The following AKT3 variants were observed in gnomAD, a reference collection of about 807,000 sequenced individuals.
The protein encoded by AKT3 is AKT serine/threonine kinase 3.
Under a neutral mutation model 65.3 loss-of-function variants are expected in AKT3, and 15 were observed. The observed-to-expected ratio is 0.23, with a 90% CI of 0.15 to 0.35. The LOEUF (loss-of-function observed/expected upper bound fraction) is 0.35. Ranked by LOEUF, AKT3 falls within the 10% of genes least tolerant of loss-of-function variation. The pLI is 1.00. For missense variants in AKT3, 243 were observed against 576.5 expected (o/e 0.42, Z 5.92); for synonymous variants, 206 against 183.8 (o/e 1.12, Z -0.98).
chr1:243,763,897 G>A (rs2148253167), intron 2 of AKT3, among the ~76,000 whole-genome samples: 1 of 152,086 alleles, frequency 6.6e-6, no homozygotes, highest in Admixed American at 6.6e-5. Context: ...AATTTCAAAA[G>A]ACTTGTAAAT....
rs115948981 is a variant in AKT3 at position 243,669,382 on chromosome 1, A to G, written c.173-4499T>C. ...CCAAGAGAAATACTATGGGGTACAGAGAAATACAGCACAGAAGCAAAGAAA... is the reference window on the plus strand; with the variant it reads ...CCAAGAGAAATACTATGGGGTACAGGGAAATACAGCACAGAAGCAAAGAAA... On this transcript the variant is annotated intron_variant, in intron 3 of 13. Transcript: ENST00000673466. Among the ~76,000 whole-genome samples the G allele has an allele frequency of 9.2e-3, 1,405 of 152,286 alleles. 21 individuals carry two copies. The highest frequency in any genetic ancestry group is 0.032 in the African/African-American group (1,331 of 41,564).
At chr1:243,594,188 T>C (rs893695750) in intron 8 of AKT3, among the ~76,000 whole-genome samples, 2 of 152,140 alleles carry the variant, frequency 1.3e-5, no homozygotes, top group Non-Finnish European at 2.9e-5. Context: ...AAAATTGGAA[T>C]AGGTAAAGAA....
chr1:243,771,823 A>C (rs2148279602), intron 2 of AKT3, among the ~76,000 whole-genome samples: 1 of 152,324 alleles, frequency 6.6e-6, no homozygotes, highest in South Asian at 2.1e-4. Flanking sequence ...ACAGCATGGT[A>C]CTGGTACCAA....
At chr1:243,850,611 C>T (rs576061942), upstream of AKT3, among the ~76,000 whole-genome samples, 6 of 150,348 alleles carry the variant, frequency 4.0e-5, no homozygotes, top group South Asian at 2.1e-4. Context: ...CGCCGCGGGG[C>T]TTGTTGTTGA....
intron 2 of AKT3, among the ~76,000 whole-genome samples, chr1:243,829,785 A>G (rs1462298429): frequency 6.6e-6 from 1 of 152,220 alleles, no homozygotes; most frequent in Non-Finnish European, 1.5e-5. Flanking sequence ...TGGACAATAA[A>G]CTGACTTTAT....
chr1:243,616,716 T>A (rs1329159041), intron 6 of AKT3, among the ~76,000 whole-genome samples: 1 of 152,174 alleles, frequency 6.6e-6, no homozygotes, highest in Non-Finnish European at 1.5e-5. Flanking sequence ...ATAAAAATAT[T>A]TGACCTTAAA....
chr1:243,567,487 CTTTT>C (rs993323556), intron 9 of AKT3, among the ~76,000 whole-genome samples: 3 of 122,294 alleles, frequency 2.5e-5, no homozygotes, highest in Non-Finnish European at 5.1e-5. Flanking sequence ...TTGTTTCTTC[CTTTT>C]TTTTTTTTTT....
intron 2 of AKT3, among the ~76,000 whole-genome samples, chr1:243,755,937 G>C (rs1689109568): frequency 6.6e-6 from 1 of 152,222 alleles, no homozygotes; most frequent in Non-Finnish European, 1.5e-5. Context: ...GAAGCTAGGA[G>C]AAAAGGGTCA....
intron 2 of AKT3, among the ~76,000 whole-genome samples, chr1:243,835,001 G>A (rs1394070568): frequency 6.6e-6 from 1 of 152,024 alleles, no homozygotes; most frequent in Non-Finnish European, 1.5e-5. Flanking sequence ...ATATAGCATT[G>A]GAAGAGTCTT....
rs1335338902 is a variant in AKT3, at chr1:243,501,256, G to C, written c.*3993C>G. On this transcript the variant is annotated 3_prime_UTR_variant, in exon 14 of 14. Transcript: ENST00000673466. Reference sequence around the variant, plus strand: ...CAACGTGAAGTCAGACTGCAGTCCAGCCATCCTACCCATCTACATCACCCA... The same window carrying C: ...CAACGTGAAGTCAGACTGCAGTCCACCCATCCTACCCATCTACATCACCCA... 1 of 232,922 alleles carries C rather than the reference G, an allele frequency of 4.3e-6. No individual in the cohort carries two copies. The highest frequency in any genetic ancestry group is 1.8e-4 in the South Asian group (1 of 5,510). 14.4% of individuals were successfully genotyped at this position (232,922 alleles called of 1,614,324 possible).
intron 2 of AKT3, chr1:243,734,843 C>A (rs1018339280): frequency 4.6e-5 from 7 of 152,192 alleles, no homozygotes; most frequent in African/African-American, 1.7e-4. Context: ...CACTGTACAG[C>A]TGTACAAAAG....
At position 243,545,524 on chromosome 1, in the gene AKT3, C is replaced by T. The variant is rs769299773; in HGVS notation, c.1237G>A (p.Val413Ile). ...SFFSGVNWQD[V>I]YDKKLVPPFK... ...AGAAATCTTACCTTTTTATCATATA[C>T]ATCTTGCCAGTTTACTCCAGAGAAG... Residue 413 changes from valine (V) to isoleucine (I), a missense_variant, in exon 12 of 14, where the codon GTA (valine) becomes ATA (isoleucine). This residue lies in a region of AKT3 where 57 missense variants were observed against 107.6 expected (regional missense o/e 0.53). Coordinates refer to ENST00000673466, the MANE Select transcript of AKT3 (RefSeq NM_005465.7). 4 of 1,609,668 alleles carry T rather than the reference C, an allele frequency of 2.5e-6. No individual in the cohort carries two copies. In the East Asian group the frequency reaches 6.7e-5, roughly 27 times the overall value.
At chr1:243,496,102 T>C (rs1283505631), downstream of AKT3, among the ~76,000 whole-genome samples, 1 of 152,218 alleles carries the variant, frequency 6.6e-6, no homozygotes, top group African/African-American at 2.4e-5. Context: ...AGTGCTGAGA[T>C]CATTGTGGGC....
At position 243,552,916 on chromosome 1, in the gene AKT3, C is replaced by T. The variant is rs1247342442; in HGVS notation, c.976G>A (p.Ala326Thr). ...ACCCCTAGGCCCCACCAGTCTACTG[C>T]TCGGCCATAGTCATTATCTTCTAAC... is the stretch of plus-strand genomic sequence containing the variant. ...EVLEDNDYGR[A>T]VDWWGLGVVM... Residue 326 changes from alanine to threonine, a missense_variant, in exon 11 of 14, where the codon GCA becomes ACA. Around this residue, in one of 6 missense-constraint regions of AKT3, gnomAD observed 4 missense variants for 59.9 expected, o/e 0.07. Coordinates refer to ENST00000673466, the MANE Select transcript of AKT3 (RefSeq NM_005465.7). 6.2e-7 allele frequency: 1 copy of T among 1,613,174 alleles called. No individual in the cohort carries two copies. The highest frequency in any genetic ancestry group is 2.2e-5 in the East Asian group (1 of 44,856).
At chr1:243,592,110 CG>C (rs1238164367) in intron 8 of AKT3, among the ~76,000 whole-genome samples, 1 of 151,944 alleles carries the variant, frequency 6.6e-6, no homozygotes, top group Non-Finnish European at 1.5e-5. Context: ...CCAAGCTGGG[CG>C]GATCACGAGG....
intron 12 of AKT3, among the ~76,000 whole-genome samples, chr1:243,543,842 GGT>G (rs777121785): frequency 1.3e-5 from 2 of 152,146 alleles, no homozygotes; most frequent in African/African-American, 4.8e-5. Flanking sequence ...ATCGAGTAGA[GGT>G]GTCTAATATG....
At chr1:243,498,369 A>C (rs542689958), downstream of AKT3, among the ~76,000 whole-genome samples, 32 of 152,324 alleles carry the variant, frequency 2.1e-4, no homozygotes, top group South Asian at 6.6e-3. Context: ...GGCCTGGAGA[A>C]CAAAGCATCC....
At chr1:243,564,159 C>CT (rs939912021) in intron 9 of AKT3, among the ~76,000 whole-genome samples, 7 of 152,104 alleles carry the variant, frequency 4.6e-5, no homozygotes, top group African/African-American at 9.7e-5. Context: ...CATCAATCCT[C>CT]TTTTTTTAAA....
chr1:243,825,604 A>T (rs935011841), intron 2 of AKT3, among the ~76,000 whole-genome samples: 1 of 152,186 alleles, frequency 6.6e-6, no homozygotes, highest in Admixed American at 6.5e-5. Context: ...GTAGAGGTGG[A>T]GTCATAAGCT....
Sources: gnomAD v4.1 joint callset for allele counts (sites outside exome capture counted in the v4.1 genomes callset) on GRCh38, gnomAD v4.1.1 for gene constraint, gnomAD v4.1.1 regional missense constraint, MANE v1.5 for transcripts, NCBI Gene and HGNC (gene_info 2026-07-23, HGNC 2026-07-21) for gene names.